The following CROCC2 variants were observed in gnomAD, a reference collection of about 807,000 sequenced individuals.
CROCC2 encodes the protein ciliary rootlet coiled-coil, rootletin family member 2, also known as ciliary rootlet coiled-coil protein 2.
CROCC2 carries 163 observed loss-of-function variants against 177.6 expected under a neutral mutation model. The observed-to-expected ratio is 0.92, with a 90% confidence interval of 0.81 to 1.05. The LOEUF (loss-of-function observed/expected upper bound fraction) is 1.05. Among genes scored for constraint, CROCC2 ranks in the 50% least tolerant of loss-of-function variants. The pLI, the probability that CROCC2 is intolerant of heterozygous loss-of-function variation, is 0.00. For missense variants in CROCC2, 1,929 were observed against 1,797.8 expected (o/e 1.07, Z -1.32); for synonymous variants, 904 against 787.3 (o/e 1.15, Z -2.48).
chr2:240,932,275 C>G (rs775257133), intron 7 of CROCC2, 43 bp from the exon 8 acceptor site: 1 of 690,588 alleles, frequency 1.4e-6, no homozygotes. Context: ...TGCCCGTCCT[C>G]TGGGCCCTGC....
At chr2:240,931,801 A>G (rs1455192093) in intron 7 of CROCC2, among the ~76,000 whole-genome samples, 1 of 152,194 alleles carries the variant, frequency 6.6e-6, no homozygotes, top group Non-Finnish European at 1.5e-5. Context: ...CAAACACACC[A>G]CAACCCAGCC....
chr2:240,911,541 G>A (rs1001189468), intron 1 of CROCC2, among the ~76,000 whole-genome samples: 7 of 152,018 alleles, frequency 4.6e-5, no homozygotes, highest in Non-Finnish European at 7.4e-5. Flanking sequence ...CAAGCGATGT[G>A]CGCGCCTCAA....
Position 240,949,729 on chromosome 2 carries a change from G to C in CROCC2, c.2652+27G>C. On this transcript the variant is annotated intron_variant, in intron 17 of 31. Coordinates refer to ENST00000690015, the MANE Select transcript of CROCC2 (RefSeq NM_001351305.2). This position sits in a 1 kb window ranked among gnomAD's most constrained non-coding sequence, Gnocchi z 4.5. ...TCTGCTTCCCAGGAGCCCACCAGTA[G>C]CTTCCTAGAAGGCTACCAGGTCCCG... 1 of 1,522,640 alleles carries C rather than the reference G, an allele frequency of 6.6e-7. No individual in the cohort carries two copies. The highest frequency in any genetic ancestry group is 8.9e-7 in the Non-Finnish European group (1 of 1,129,484). 94.3% of individuals were successfully genotyped at this position (1,522,640 alleles called of 1,614,324 possible). A position where few individuals can be genotyped will look rare whatever the true frequency, so the allele number is the denominator to read the frequency against.
Position 240,935,009 on chromosome 2 carries a change from T to C in CROCC2, c.1885T>C (p.Leu629=), listed in dbSNP as rs1366317448. ...QRDSLAAMAA[L]MEGLAQDKSA... ...GGACTCCCTGGCCGCAATGGCCGCC[T>C]TGATGGAGGGGTTGGCTCAGGACAA... is the stretch of plus-strand genomic sequence containing the variant. Residue 629 remains leucine, a synonymous_variant, in exon 13 of 32, where the codon TTG becomes CTG. Coordinates refer to ENST00000690015, the MANE Select transcript of CROCC2 (RefSeq NM_001351305.2). 6 of 1,438,958 alleles carry C rather than the reference T, an allele frequency of 4.2e-6. No individual in the cohort carries two copies. The highest frequency in any genetic ancestry group is 5.5e-6 in the Non-Finnish European group (6 of 1,094,044). 89.1% of individuals were successfully genotyped at this position (1,438,958 alleles called of 1,614,324 possible). A position where few individuals can be genotyped will look rare whatever the true frequency, so the allele number is the denominator to read the frequency against.
rs1403004681 is a variant in CROCC2 at position 240,972,719 on chromosome 2, T to A, written c.4401+4457T>A. Among the ~76,000 whole-genome samples, 2 of 151,998 alleles carry A rather than the reference T, an allele frequency of 1.3e-5. No individual in the cohort carries two copies. Among genetic ancestry groups the A allele is most frequent in the Non-Finnish European group, 2.9e-5 (2 of 68,014 alleles). ...TATGGTGTCAACGTTTTCTTACAATTCTGGCAATTATTATTTCACCCATTT... is the reference window on the plus strand; with the variant it reads ...TATGGTGTCAACGTTTTCTTACAATACTGGCAATTATTATTTCACCCATTT... On this transcript the variant is annotated intron_variant, in intron 27 of 31. Coordinates refer to ENST00000690015, the MANE Select transcript of CROCC2 (RefSeq NM_001351305.2). The surrounding 1 kb of genome is among the most constrained non-coding windows in gnomAD (Gnocchi z 7.1).
chr2:240,989,818 G>A lies in CROCC2; in HGVS notation c.4848G>A (p.Lys1616=). The part of the protein sequence containing the change: ...SQEWTHQQQV[K]VLEEQVASLK... ...AATGGACCCACCAGCAGCAGGTAAA[G>A]GTGCTGGAAGAGCAGGTAAGGTCGG... is the stretch of plus-strand genomic sequence containing the variant. The change falls in exon 30 of 32, where the codon AAG becomes AAA. Residue 1616 remains lysine (K), a synonymous_variant. Coordinates refer to ENST00000690015, the MANE Select transcript of CROCC2 (RefSeq NM_001351305.2). The A allele has an allele frequency of 2.6e-6, 4 of 1,543,146 alleles. No homozygotes were observed. The highest frequency in any genetic ancestry group is 3.5e-6 in the Non-Finnish European group (4 of 1,141,340).
At chr2:240,912,226 A>T (rs569437637) in intron 1 of CROCC2, among the ~76,000 whole-genome samples, 18 of 151,590 alleles carry the variant, frequency 1.2e-4, no homozygotes, top group Non-Finnish European at 2.5e-4. Context: ...CCAATTCTCC[A>T]CCTCCCTGGA....
intron 1 of CROCC2, among the ~76,000 whole-genome samples, chr2:240,915,271 G>A (rs2059312996): frequency 6.6e-6 from 1 of 152,164 alleles, no homozygotes; most frequent in Non-Finnish European, 1.5e-5. Context: ...TCCCCAGCAA[G>A]TGCCAAAGTG....
chr2:240,954,105 G>A (rs1479751984), intron 18 of CROCC2, among the ~76,000 whole-genome samples: 1 of 152,188 alleles, frequency 6.6e-6, no homozygotes, highest in East Asian at 1.9e-4. Context: ...AAGGGAGGGA[G>A]GAAGGGGAGC....
chr2:240,930,192 C>A lies in CROCC2; in HGVS notation c.672C>A (p.Pro224=). Residue 224 remains proline, a synonymous_variant, in exon 6 of 32, where the codon CCC becomes CCA. Transcript: ENST00000690015. ...CCCGGTCAGGGGGCCTGGGGCAGCC[C>A]CGGGACCTCCTCCTCCTGTGGAGAC... ...RQTRSGGLGQ[P]RDLLLLWRQA... is the part of the protein sequence containing the mutation. The A allele has an allele frequency of 1.7e-6, 1 of 583,554 alleles. No homozygotes were observed. Among genetic ancestry groups the A allele is most frequent in the Non-Finnish European group, 3.1e-6 (1 of 319,308 alleles). 36.1% of individuals were successfully genotyped at this position (583,554 alleles called of 1,614,324 possible).
At chr2:240,970,823 G>T (rs1326888537) in intron 27 of CROCC2, among the ~76,000 whole-genome samples, 11 of 152,150 alleles carry the variant, frequency 7.2e-5, no homozygotes. Context: ...AATTACTGAT[G>T]ACTTAACCCC....
intron 4 of CROCC2, 44 bp from the exon 5 acceptor site, chr2:240,925,680 A>C (rs868223512): frequency 1.5e-6 from 1 of 677,372 alleles, no homozygotes; most frequent in Middle Eastern, 2.4e-4. Context: ...CTCTCTTAGG[A>C]GAGGCTTCCT....
intron 28 of CROCC2, among the ~76,000 whole-genome samples, chr2:240,987,790 C>A (rs2059850406): frequency 6.6e-6 from 1 of 152,246 alleles, no homozygotes; most frequent in South Asian, 2.1e-4. Context: ...GCAGGCATGA[C>A]CCTCGGGGCT....
chr2:240,976,061 G>A (rs1308783759), intron 27 of CROCC2, among the ~76,000 whole-genome samples: 1 of 152,218 alleles, frequency 6.6e-6, no homozygotes, highest in Non-Finnish European at 1.5e-5. Flanking sequence ...CGAGACCCCT[G>A]TGAGACTGCA....
intron 14 of CROCC2, among the ~76,000 whole-genome samples, chr2:240,940,919 C>T (rs925313364): frequency 3.3e-5 from 5 of 152,014 alleles, no homozygotes; most frequent in Admixed American, 6.6e-5. Context: ...CACTGTTTTC[C>T]GATGATATAA....
At chr2:240,943,071 G>A (rs1224080123) in intron 14 of CROCC2, among the ~76,000 whole-genome samples, 1 of 152,118 alleles carries the variant, frequency 6.6e-6, no homozygotes, top group East Asian at 1.9e-4. Flanking sequence ...GCAGTGGCAT[G>A]ACCATGGTTC....
intron 31 of CROCC2, among the ~76,000 whole-genome samples, chr2:240,992,013 T>C (rs920648698): frequency 1.1e-4 from 16 of 151,898 alleles, no homozygotes; most frequent in Non-Finnish European, 2.1e-4. Context: ...AGAAGGGGAG[T>C]GTAACACTTA....
At chr2:240,943,120 A>G (rs776940347) in intron 14 of CROCC2, among the ~76,000 whole-genome samples, 1 of 151,952 alleles carries the variant, frequency 6.6e-6, no homozygotes, top group African/African-American at 2.4e-5. Flanking sequence ...TGATCCTCCC[A>G]CATCAGCCTC....
At chr2:240,957,093 G>A (rs553710327) in intron 19 of CROCC2, among the ~76,000 whole-genome samples, 18 of 152,252 alleles carry the variant, frequency 1.2e-4, no homozygotes, top group African/African-American at 4.3e-4. Flanking sequence ...GGCAGGGAGG[G>A]AATGGGCTCA....
Sources: allele counts gnomAD v4.1 joint callset (sites outside exome capture counted in the v4.1 genomes callset), GRCh38; gene constraint gnomAD v4.1.1; non-coding constraint Gnocchi (gnomAD v3.1); transcripts MANE v1.5; gene names NCBI Gene and HGNC (gene_info 2026-07-23, HGNC 2026-07-21).